Variants in ADAMTSL1 observed in about 807,000 individuals in gnomAD.
The protein encoded by ADAMTSL1 is ADAMTS-like protein 1.
In ADAMTSL1, 126 loss-of-function variants were observed where a neutral mutation model predicts 201.8. That is an observed-to-expected ratio of 0.62 (90% CI 0.54 to 0.72). ADAMTSL1 has a LOEUF of 0.72. Among genes scored for constraint, ADAMTSL1 ranks in the 30% least tolerant of loss-of-function variants. ADAMTSL1 has a pLI of 0.00. For synonymous variants in ADAMTSL1, 1,121 were observed against 903.4 expected, an observed-to-expected ratio of 1.24 and a Z score of -4.32; for missense variants, 2,679 against 2,277.8, an observed-to-expected ratio of 1.18 and a Z score of -3.59.
chr9:18,280,546 T>A (rs1832744527), intron 2 of ADAMTSL1, among the ~76,000 whole-genome samples: 1 of 152,208 alleles, frequency 6.6e-6, no homozygotes, highest in African/African-American at 2.4e-5. Context: ...GCCTCACTAT[T>A]TTGGCAGAGT....
In ADAMTSL1 at chr9:18,347,090, CT is replaced by C. The variant is rs544584652; in HGVS notation, c.208-157737del. On this transcript the variant is annotated intron_variant, in intron 2 of 29. Transcript: ENST00000680146. ...TCCTCCAAGCTTTGCAGAGGCTCAT[CT>C]TGTTTGAAAGAGAAATGTGCCTTAA... 6.3e-3 allele frequency among the ~76,000 whole-genome samples: 957 copies of C among 152,220 alleles called. 5 individuals carry two copies. Among genetic ancestry groups the C allele is most frequent in the Non-Finnish European group, 9.7e-3 (660 of 68,012 alleles).
chr9:18,425,007 AT>A (rs1819141784), intron 2 of ADAMTSL1, among the ~76,000 whole-genome samples: 3 of 152,364 alleles, frequency 2.0e-5, no homozygotes, highest in African/African-American at 7.2e-5. Flanking sequence ...GCTGAAAACA[AT>A]GCTGAACTAT....
chr9:18,129,454 C>T (rs34283286), intron 1 of ADAMTSL1, among the ~76,000 whole-genome samples: 21,371 of 152,140 alleles, frequency 0.14, 1,737 homozygotes, highest in East Asian at 0.2. Context: ...CCTGAAAGAA[C>T]TCAAGGCCCC....
rs760730607 is a variant in ADAMTSL1, at chr9:18,776,971, C to T, written c.2742C>T (p.Asp914=). 2.2e-5 allele frequency: 35 copies of T among 1,597,060 alleles called. No individual in the cohort carries two copies. Among genetic ancestry groups the T allele is most frequent in the Non-Finnish European group, 2.6e-5 (31 of 1,170,328 alleles). ...VRKPLITWEK[D]GQHLISSTHV... is the part of the protein sequence containing the mutation. ...AGCCCCTCATCACCTGGGAGAAGGA[C>T]GGCCAGCACCTCATCAGCTCGACGC... The change falls in exon 19 of 29, where the codon GAC becomes GAT. Residue 914 remains aspartate (D), a synonymous_variant. Coordinates refer to ENST00000380548, the MANE Select transcript of ADAMTSL1 (RefSeq NM_001040272.6).
intron 2 of ADAMTSL1, among the ~76,000 whole-genome samples, chr9:18,267,681 A>C (rs567102915): frequency 6.6e-6 from 1 of 150,526 alleles, no homozygotes; most frequent in Non-Finnish European, 1.5e-5. Flanking sequence ...ACCTTTAATA[A>C]GTATTTTTTA....
chr9:18,570,233 A>G (rs946202170), intron 3 of ADAMTSL1, among the ~76,000 whole-genome samples: 1 of 151,978 alleles, frequency 6.6e-6, no homozygotes, highest in Non-Finnish European at 1.5e-5. Flanking sequence ...AGGAAAAAAA[A>G]AAAAAGACCA....
intron 14 of ADAMTSL1, among the ~76,000 whole-genome samples, chr9:18,713,234 T>A (rs369480640): frequency 6.6e-6 from 1 of 151,722 alleles, no homozygotes; most frequent in Non-Finnish European, 1.5e-5. Context: ...GACAGGATCA[T>A]ATTCACACAT....
chr9:18,251,526 C>G (rs182251279), intron 2 of ADAMTSL1, among the ~76,000 whole-genome samples: 85 of 152,184 alleles, frequency 5.6e-4, no homozygotes, highest in Non-Finnish European at 1.5e-5. Context: ...AAATGCTTAT[C>G]CTTTAAAGTT....
At chr9:18,179,620 C>A (rs1246989668) in intron 2 of ADAMTSL1, among the ~76,000 whole-genome samples, 4 of 152,076 alleles carry the variant, frequency 2.6e-5, no homozygotes, top group Non-Finnish European at 5.9e-5. Flanking sequence ...TAAGGGCAGC[C>A]AGAGAGAAAG....
At chr9:18,122,783 T>C (rs1253348126) in intron 1 of ADAMTSL1, among the ~76,000 whole-genome samples, 1 of 152,142 alleles carries the variant, frequency 6.6e-6, no homozygotes, top group Non-Finnish European at 1.5e-5. Context: ...GTTGGTTTTT[T>C]GTTTTTGTTT....
At chr9:18,887,807 T>G (rs746322408) in intron 23 of ADAMTSL1, 24 bp from the exon 24 acceptor site, 2 of 1,600,814 alleles carry the variant, frequency 1.2e-6, no homozygotes, top group Non-Finnish European at 1.7e-6. Context: ...TTACTAAGGC[T>G]TACTTCTTTT....
At chr9:18,614,010 G>A (rs950864228) in intron 4 of ADAMTSL1, among the ~76,000 whole-genome samples, 5 of 152,150 alleles carry the variant, frequency 3.3e-5, no homozygotes, top group African/African-American at 9.7e-5. Context: ...GACAACTGCC[G>A]TCGAAGTGCC....
intron 1 of ADAMTSL1, among the ~76,000 whole-genome samples, chr9:18,097,583 G>T (rs1824308436): frequency 6.6e-6 from 1 of 152,100 alleles, no homozygotes; most frequent in Admixed American, 6.6e-5. Context: ...ACTTCGTGTG[G>T]TCTGTCTTTC....
chr9:18,777,249 A>G lies in ADAMTSL1; in HGVS notation c.3020A>G (p.Lys1007Arg), dbSNP rs753675412. The change falls in exon 19 of 29, where the codon AAG becomes AGG. Residue 1007 changes from lysine to arginine, a missense_variant. Transcript: ENST00000380548. Reference protein sequence around the residue: ...HQNGIFSNGSKAEKRGLAANP... With the variant: ...HQNGIFSNGSRAEKRGLAANP... ...AACGGGATCTTCTCCAACGGCAGCA[A>G]GGCGGAGAAGCGGGGCCTGGCCGCC... The G allele has an allele frequency of 6.2e-7, 1 of 1,612,234 alleles. No individual in the cohort carries two copies. Among genetic ancestry groups the G allele is most frequent in the South Asian group, 1.1e-5 (1 of 91,036 alleles).
At chr9:18,123,385 T>C (rs978013962) in intron 1 of ADAMTSL1, among the ~76,000 whole-genome samples, 3 of 152,210 alleles carry the variant, frequency 2.0e-5, no homozygotes, top group African/African-American at 7.2e-5. Flanking sequence ...ACTTATATTA[T>C]GCTATTATGC....
intron 1 of ADAMTSL1, among the ~76,000 whole-genome samples, chr9:18,498,338 C>CTTT (rs1338838478): frequency 7.1e-6 from 1 of 141,018 alleles, no homozygotes; most frequent in Non-Finnish European, 1.5e-5. Flanking sequence ...CCCCCACCCC[C>CTTT]TTTTTTTTTT....
At chr9:18,815,559 C>T (rs375195385) in intron 20 of ADAMTSL1, among the ~76,000 whole-genome samples, 2 of 150,524 alleles carry the variant, frequency 1.3e-5, no homozygotes, top group East Asian at 1.9e-4. Context: ...AAAAAAAATT[C>T]TATCCAGGTG....
At chr9:18,585,543 A>G (rs1218923097) in intron 4 of ADAMTSL1, among the ~76,000 whole-genome samples, 2 of 152,168 alleles carry the variant, frequency 1.3e-5, no homozygotes, top group Admixed American at 1.3e-4. Context: ...ATACAACTGG[A>G]AAAAGGCAAA....
At chr9:18,236,223 A>C (rs1830841875) in intron 2 of ADAMTSL1, among the ~76,000 whole-genome samples, 1 of 152,070 alleles carries the variant, frequency 6.6e-6, no homozygotes, top group Non-Finnish European at 1.5e-5. Context: ...GGCACCCACC[A>C]CCACGCCCGA....
Sources: gnomAD v4.1 joint callset for allele counts (sites outside exome capture counted in the v4.1 genomes callset) on GRCh38, gnomAD v4.1.1 for gene constraint, MANE v1.5 for transcripts, NCBI Gene and HGNC (gene_info 2026-07-23, HGNC 2026-07-21) for gene names.